The following EIF2B3 variants were observed in gnomAD, a reference collection of about 807,000 sequenced individuals.
EIF2B3 encodes eukaryotic translation initiation factor 2B subunit gamma.
In EIF2B3, 20 loss-of-function variants were observed where a neutral mutation model predicts 54.1. That is an observed-to-expected ratio of 0.37 (90% CI 0.26 to 0.54). The LOEUF is 0.54. EIF2B3 is among the 20% of genes least tolerant of loss of function. The pLI is 0.86. For synonymous variants in EIF2B3, 153 were observed against 188.1 expected, an observed-to-expected ratio of 0.81 and a Z score of 1.52; for missense variants, 448 against 547.8, an observed-to-expected ratio of 0.82 and a Z score of 1.82.
chr1:44,949,875 T>C (rs191560582), intron 3 of EIF2B3, among the ~76,000 whole-genome samples: 104 of 152,370 alleles, frequency 6.8e-4, no homozygotes, highest in African/African-American at 2.5e-3. Context: ...AGAGGAATTA[T>C]ATTCTTCCTT....
At chr1:44,951,874 G>A (rs1281682732) in intron 3 of EIF2B3, among the ~76,000 whole-genome samples, 3 of 145,464 alleles carry the variant, frequency 2.1e-5, no homozygotes, top group Admixed American at 1.4e-4. Flanking sequence ...TGCAGCCTCC[G>A]CTTCACAGGT....
chr1:44,936,203 CT>C (rs1643945142), intron 4 of EIF2B3, among the ~76,000 whole-genome samples: 1 of 152,088 alleles, frequency 6.6e-6, no homozygotes, highest in South Asian at 2.1e-4. Flanking sequence ...TTGTCCATTT[CT>C]TTCCTGAGAA....
chr1:44,885,430 A>G (rs1011168698), intron 6 of EIF2B3, among the ~76,000 whole-genome samples: 16 of 152,234 alleles, frequency 1.1e-4, no homozygotes, highest in African/African-American at 3.9e-4. Flanking sequence ...TGCTTTGAGA[A>G]CCGTTACTGT....
chr1:44,926,890 T>TC, intron 4 of EIF2B3, 151 bp from the exon 5 acceptor site: 1 of 712,260 alleles, frequency 1.4e-6, no homozygotes, highest in Non-Finnish European at 2.4e-6. Context: ...ATCCCAAGAC[T>TC]TTGGGAGGCC....
chr1:44,913,222 C>A (rs1220980564), intron 5 of EIF2B3, among the ~76,000 whole-genome samples: 1 of 150,812 alleles, frequency 6.6e-6, no homozygotes, highest in Non-Finnish European at 1.5e-5. Flanking sequence ...TGTTTAATTG[C>A]ATCTTGTGGC....
chr1:44,900,064 A>G (rs1414827460), intron 5 of EIF2B3, among the ~76,000 whole-genome samples: 1 of 152,210 alleles, frequency 6.6e-6, no homozygotes, highest in East Asian at 1.9e-4. Context: ...CCACTATCCT[A>G]AGCAAAGTAA....
intron 5 of EIF2B3, among the ~76,000 whole-genome samples, chr1:44,901,450 T>C (rs577621182): frequency 6.6e-6 from 1 of 151,266 alleles, no homozygotes; most frequent in East Asian, 2.0e-4. Context: ...AGGGTCTCAC[T>C]TTGTTGCCCA....
chr1:44,854,589 C>CT (rs34735930), intron 11 of EIF2B3, among the ~76,000 whole-genome samples: 55,972 of 136,622 alleles, frequency 0.41, 11,897 homozygotes, highest in African/African-American at 0.53. Context: ...TGCATTATGT[C>CT]TTTTTTTTTT....
chr1:44,946,144 G>C (rs1361589789), intron 3 of EIF2B3, among the ~76,000 whole-genome samples: 3 of 152,148 alleles, frequency 2.0e-5, no homozygotes, highest in Non-Finnish European at 2.9e-5. Context: ...AGGATCACAA[G>C]GAACAGACCC....
intron 11 of EIF2B3, among the ~76,000 whole-genome samples, chr1:44,852,311 T>C (rs1178319879): frequency 1.3e-5 from 2 of 151,884 alleles, no homozygotes; most frequent in African/African-American, 4.8e-5. Context: ...CTAGAATGCT[T>C]CCCCCTCCAT....
chr1:44,859,230 G>C (rs1654535289), intron 10 of EIF2B3, among the ~76,000 whole-genome samples: 1 of 152,200 alleles, frequency 6.6e-6, no homozygotes, highest in Non-Finnish European at 1.5e-5. Flanking sequence ...AAGCAAAGGA[G>C]GTAGAGGCTG....
Position 44,919,714 on chromosome 1 carries a change from C to T in EIF2B3, c.566+6914G>A, listed in dbSNP as rs1253752307. ...GATTCATTTCATCTTAATTGAATGT[C>T]CTTTTTTTTTTTTTTTTTTTTGAGA... On this transcript the variant is annotated intron_variant, in intron 5 of 11. Coordinates refer to ENST00000360403, the MANE Select transcript of EIF2B3 (RefSeq NM_020365.5). 3.1e-5 allele frequency among the ~76,000 whole-genome samples: 4 copies of T among 131,084 alleles called. No individual in the cohort carries two copies. The East Asian group carries it at 8.5e-4, about 28-fold the overall frequency. The allele number at this position is 131,084 out of a possible 152,430, so 86.0% of individuals were successfully genotyped here.
intron 11 of EIF2B3, among the ~76,000 whole-genome samples, chr1:44,853,347 G>C (rs1202397671): frequency 6.6e-6 from 1 of 151,972 alleles, no homozygotes; most frequent in Non-Finnish European, 1.5e-5. Flanking sequence ...GTGGTGGCTC[G>C]CTCCTGCAAT....
At chr1:44,896,581 T>C (rs1052902856) in intron 6 of EIF2B3, among the ~76,000 whole-genome samples, 1 of 152,252 alleles carries the variant, frequency 6.6e-6, no homozygotes, top group Non-Finnish European at 1.5e-5. Context: ...GTTTCCGCCT[T>C]GGATAGCACT....
chr1:44,921,827 T>C (rs994478271), intron 5 of EIF2B3, among the ~76,000 whole-genome samples: 19 of 152,074 alleles, frequency 1.2e-4, no homozygotes, highest in African/African-American at 4.6e-4. Context: ...ATATGATTCC[T>C]GTAGCTTTGT....
chr1:44,982,870 C>T (rs932683828), intron 1 of EIF2B3, among the ~76,000 whole-genome samples: 3 of 151,826 alleles, frequency 2.0e-5, no homozygotes, highest in Non-Finnish European at 4.4e-5. Context: ...TCAAGTGATT[C>T]TCCTGCCTCA....
At chr1:44,859,119 TG>T (rs1654530431) in intron 10 of EIF2B3, among the ~76,000 whole-genome samples, 1 of 151,656 alleles carries the variant, frequency 6.6e-6, no homozygotes. Flanking sequence ...GGCAGCATTG[TG>T]AGACTCTTTA....
intron 8 of EIF2B3, among the ~76,000 whole-genome samples, chr1:44,877,259 A>G (rs972158056): frequency 6.7e-6 from 1 of 148,936 alleles, no homozygotes; most frequent in Admixed American, 6.7e-5. Flanking sequence ...TCAGAGATAC[A>G]GGGAGTTCTC....
At chr1:44,903,957 A>G (rs1203894594) in intron 5 of EIF2B3, among the ~76,000 whole-genome samples, 3 of 152,166 alleles carry the variant, frequency 2.0e-5, no homozygotes, top group Admixed American at 2.0e-4. Flanking sequence ...CACACCTGTA[A>G]TCTCAGCTAC....
Sources: allele counts gnomAD v4.1 joint callset (sites outside exome capture counted in the v4.1 genomes callset), GRCh38; gene constraint gnomAD v4.1.1; transcripts MANE v1.5; gene names NCBI Gene and HGNC (gene_info 2026-07-23, HGNC 2026-07-21).